The following LPL variants were observed in gnomAD, a reference collection of about 807,000 sequenced individuals.
The protein encoded by LPL is lipoprotein lipase, also known as phospholipase A1.
In LPL, 43 loss-of-function variants were observed where a neutral mutation model predicts 52.2. That is an observed-to-expected ratio of 0.82 (90% confidence interval 0.64 to 1.06). LPL has a LOEUF of 1.06. Ranked by LOEUF, LPL falls within the 50% of genes least tolerant of loss-of-function variation. The pLI, the probability that LPL is intolerant of heterozygous loss-of-function variation, is 0.00. For synonymous variants in LPL, 244 were observed against 215.6 expected (o/e 1.13, Z -1.15); for missense variants, 639 against 585.3 (o/e 1.09, Z -0.95).
chr8:19,962,204 A>T lies in LPL; in HGVS notation c.1412A>T (p.Asn471Ile). Residue 471 changes from asparagine (N) to isoleucine (I), a missense_variant, in exon 9 of 10, where the codon AAT becomes ATT. Coordinates refer to ENST00000650287, the MANE Select transcript of LPL (RefSeq NM_000237.3). ...GTGAAATGCCATGACAAGTCTCTGA[A>T]TAAGAAGTCAGGCTGGTGAGCATTC... is the stretch of plus-strand genomic sequence containing the variant. ...VFVKCHDKSL[N>I]KKSG 1 of 1,613,650 alleles carries T rather than the reference A, an allele frequency of 6.2e-7. No homozygotes were observed. The highest frequency in any genetic ancestry group is 1.1e-5 in the South Asian group (1 of 91,066).
chr8:19,962,060 G>A, intron 8 of LPL, 55 bp from the exon 9 acceptor site: 1 of 1,182,236 alleles, frequency 8.5e-7, no homozygotes, highest in South Asian at 1.2e-5. Context: ...GTACCTTTGT[G>A]AACAGTGCTT....
intron 6 of LPL, among the ~76,000 whole-genome samples, chr8:19,959,039 C>A (rs1010764575): frequency 6.6e-6 from 1 of 152,072 alleles, no homozygotes; most frequent in African/African-American, 2.4e-5. Flanking sequence ...ATGCATATAA[C>A]CACACTTTTC....
At chr8:19,963,959 T>C (rs2070063191) in intron 9 of LPL, among the ~76,000 whole-genome samples, 1 of 152,132 alleles carries the variant, frequency 6.6e-6, no homozygotes, top group African/African-American at 2.4e-5. Flanking sequence ...TGTTTTGGTT[T>C]TTTTTTTCTT....
At position 19,955,952 on chromosome 8, in the gene LPL, C is replaced by A. The variant is rs1399811173; in HGVS notation, c.887C>A (p.Ala296Asp). ...SKAYRCSSKE[A>D]FEKGLCLSCR... ...GCCTACAGGTGCAGTTCCAAGGAAGCCTTTGAGAAAGGGCTCTGCTTGAGT... is the reference window on the plus strand; with the variant it reads ...GCCTACAGGTGCAGTTCCAAGGAAGACTTTGAGAAAGGGCTCTGCTTGAGT... The change falls in exon 6 of 10, where the codon GCC (alanine) becomes GAC (aspartate). Residue 296 changes from alanine (A) to aspartate (D), a missense_variant. Transcript: ENST00000650287. The A allele has an allele frequency of 1.2e-6, 2 of 1,614,004 alleles. No individual in the cohort carries two copies. Among genetic ancestry groups the A allele is most frequent in the Non-Finnish European group, 1.7e-6 (2 of 1,180,028 alleles).
At chr8:19,953,526 TC>T in intron 4 of LPL, 105 bp downstream of exon 4, 2 of 782,076 alleles carry the variant, frequency 2.6e-6, no homozygotes, top group African/African-American at 3.4e-5. Context: ...GTGGTGTTCT[TC>T]CCGGAGACAT....
chr8:19,954,433 A>C, intron 5 of LPL, 80 bp downstream of exon 5: 2 of 1,379,904 alleles, frequency 1.4e-6, no homozygotes, highest in Non-Finnish European at 2.0e-6. Flanking sequence ...CAGTAGCTTC[A>C]AAGTATGTAG....
At chr8:19,963,937 G>C (rs2070062567) in intron 9 of LPL, among the ~76,000 whole-genome samples, 1 of 150,680 alleles carries the variant, frequency 6.6e-6, no homozygotes, top group East Asian at 1.9e-4. Context: ...TTTAGATGAA[G>C]TTTTTTTTGT....
Position 19,956,049 on chromosome 8 carries a change from G to A in LPL, c.984G>A (p.Met328Ile). The A allele has an allele frequency of 6.2e-7, 1 of 1,614,174 alleles. No homozygotes were observed. Among genetic ancestry groups the A allele is most frequent in the Non-Finnish European group, 8.5e-7 (1 of 1,180,024 alleles). Residue 328 changes from methionine to isoleucine, a missense_variant, in exon 6 of 10, where the codon ATG (methionine) becomes ATA (isoleucine). Transcript: ENST00000650287. ...TCAGAGCCAAAAGAAGCAGCAAAAT[G>A]TACCTGAAGACTCGTTCTCAGATGC... ...NKVRAKRSSK[M>I]YLKTRSQMPY...
intron 9 of LPL, among the ~76,000 whole-genome samples, chr8:19,963,863 G>A (rs1047984262): frequency 8.5e-5 from 13 of 152,048 alleles, no homozygotes; most frequent in Admixed American, 6.6e-4. Context: ...AGGTTATTAC[G>A]TTGTTTTTCC....
chr8:19,940,219 T>C (rs1432977732), intron 1 of LPL, among the ~76,000 whole-genome samples: 1 of 152,232 alleles, frequency 6.6e-6, no homozygotes, highest in Non-Finnish European at 1.5e-5. Context: ...CAGGCTCGCA[T>C]GCCCCTCTTT....
intron 1 of LPL, among the ~76,000 whole-genome samples, chr8:19,941,400 A>T (rs2069837815): frequency 6.6e-6 from 1 of 152,192 alleles, no homozygotes; most frequent in South Asian, 2.1e-4. Context: ...GCTCCCTTAC[A>T]GGTTCAAGAT....
intron 4 of LPL, among the ~76,000 whole-genome samples, chr8:19,953,853 C>T (rs939936074): frequency 2.6e-5 from 4 of 152,172 alleles, no homozygotes; most frequent in South Asian, 4.1e-4. Context: ...TACATCTTCT[C>T]GACATATTCA....
intron 3 of LPL, among the ~76,000 whole-genome samples, chr8:19,952,672 T>C (rs1456017254): frequency 6.6e-6 from 1 of 152,196 alleles, no homozygotes; most frequent in Non-Finnish European, 1.5e-5. Context: ...TCTTTTTTGC[T>C]GACCAGGCAA....
In LPL at chr8:19,955,981, A is replaced by G. The variant is rs2069981331; in HGVS notation, c.916A>G (p.Arg306Gly). The G allele has an allele frequency of 3.1e-6, 5 of 1,614,090 alleles. No homozygotes were observed. The highest frequency in any genetic ancestry group is 1.3e-5 in the African/African-American group (1 of 74,936). The change falls in exon 6 of 10, where the codon AGA (arginine) becomes GGA (glycine). Residue 306 changes from arginine to glycine, a missense_variant. Physicochemically the swap from Arg to Gly is moderately radical, Grantham distance 125. Transcript: ENST00000650287. Reference protein sequence around the residue: ...AFEKGLCLSCRKNRCNNLGYE... With the variant: ...AFEKGLCLSCGKNRCNNLGYE... ...TGAGAAAGGGCTCTGCTTGAGTTGT[A>G]GAAAGAACCGCTGCAACAATCTGGG...
intron 2 of LPL, among the ~76,000 whole-genome samples, chr8:19,951,280 C>T (rs887723370): frequency 6.6e-6 from 1 of 152,184 alleles, no homozygotes; most frequent in African/African-American, 2.4e-5. Flanking sequence ...ATTAACATTA[C>T]ATTCTGAAGA....
intron 8 of LPL, among the ~76,000 whole-genome samples, chr8:19,961,897 T>C (rs1216068291): frequency 1.3e-5 from 2 of 152,182 alleles, no homozygotes. Context: ...TGCCTGTCTA[T>C]CTAAATTAAC....
In LPL at chr8:19,944,547, T is replaced by C. The variant is rs531136915; in HGVS notation, c.89-3633T>C. ...AGTTCTTGTACCTCATGTCATTGCA[T>C]AAATGTTCATCTTACTCACGTGATG... On this transcript the variant is annotated intron_variant, in intron 1 of 9. Transcript: ENST00000650287. This position sits in a 1 kb window ranked among gnomAD's most constrained non-coding sequence, Gnocchi z 4.2. Among the ~76,000 whole-genome samples, 2 of 152,136 alleles carry C rather than the reference T, an allele frequency of 1.3e-5. No homozygotes were observed. The highest frequency in any genetic ancestry group is 2.9e-5 in the Non-Finnish European group (2 of 68,022).
chr8:19,943,789 A>T (rs995574186), intron 1 of LPL, among the ~76,000 whole-genome samples: 1 of 152,130 alleles, frequency 6.6e-6, no homozygotes, highest in Non-Finnish European at 1.5e-5. Flanking sequence ...CCTCTTTTTC[A>T]GTAGTGTGGA....
intron 6 of LPL, 37 bp downstream of exon 6, chr8:19,956,120 A>G: frequency 1.2e-6 from 2 of 1,613,070 alleles, no homozygotes; most frequent in Non-Finnish European, 1.7e-6. Context: ...GAAACCAAGG[A>G]GTCCTATTTC....
Sources: allele counts gnomAD v4.1 joint callset (sites outside exome capture counted in the v4.1 genomes callset), GRCh38; gene constraint gnomAD v4.1.1; non-coding constraint Gnocchi (gnomAD v3.1); transcripts MANE v1.5; gene names NCBI Gene and HGNC (gene_info 2026-07-23, HGNC 2026-07-21).